MEI4: variants seen among roughly 807,000 people sequenced by gnomAD.
The protein encoded by MEI4 is meiosis-specific protein MEI4.
A neutral mutation model predicts 31.4 loss-of-function variants in MEI4; 27 were observed. The observed-to-expected ratio is 0.86, with a 90% CI of 0.63 to 1.19. The LOEUF (loss-of-function observed/expected upper bound fraction) is 1.19, where lower values mean the gene tolerates loss of function less well. MEI4 is among the 50% of genes most tolerant of loss of function. The pLI is 0.00. For missense variants in MEI4, 329 were observed against 398.9 expected (o/e 0.82, Z 1.49); for synonymous variants, 122 against 145.4 (o/e 0.84, Z 1.16).
At chr6:77,744,028 G>A (rs537229436) in intron 2 of MEI4, among the ~76,000 whole-genome samples, 1 of 152,270 alleles carries the variant, frequency 6.6e-6, no homozygotes, top group South Asian at 2.1e-4. Flanking sequence ...AAAAAACAGA[G>A]CAGAAAAACT....
intron 4 of MEI4, among the ~76,000 whole-genome samples, chr6:77,870,734 G>A (rs1393093960): frequency 6.6e-6 from 1 of 152,116 alleles, no homozygotes; most frequent in African/African-American, 2.4e-5. Flanking sequence ...TTTTCATCAG[G>A]TAGTTCCATT....
At chr6:77,912,292 T>C (rs1243554595) in intron 4 of MEI4, among the ~76,000 whole-genome samples, 1 of 152,136 alleles carries the variant, frequency 6.6e-6, no homozygotes, top group African/African-American at 2.4e-5. Context: ...TTCCTCGGGA[T>C]TGCTTTGGAT....
intron 1 of MEI4, among the ~76,000 whole-genome samples, chr6:77,675,517 A>G (rs1365999149): frequency 6.6e-6 from 1 of 150,558 alleles, no homozygotes; most frequent in Non-Finnish European, 1.5e-5. Flanking sequence ...GGTTAAGATG[A>G]AACAGGAAAT....
chr6:77,872,403 C>G (rs1771216024), intron 4 of MEI4, among the ~76,000 whole-genome samples: 2 of 151,898 alleles, frequency 1.3e-5, no homozygotes, highest in African/African-American at 4.8e-5. Context: ...CATGATCATG[C>G]CTGTGTATAG....
At chr6:77,753,518 C>T (rs1056580121) in intron 2 of MEI4, among the ~76,000 whole-genome samples, 1 of 152,180 alleles carries the variant, frequency 6.6e-6, no homozygotes, top group Non-Finnish European at 1.5e-5. Flanking sequence ...CATCGCTGAT[C>T]ATTAGAGAAA....
intron 2 of MEI4, among the ~76,000 whole-genome samples, chr6:77,747,590 G>A (rs372166514): frequency 9.9e-5 from 15 of 152,108 alleles, no homozygotes; most frequent in Admixed American, 6.6e-5. Flanking sequence ...GTCATCTTCT[G>A]CCAGGTCCCT....
At chr6:77,919,925 T>C (rs1562039859) in intron 4 of MEI4, among the ~76,000 whole-genome samples, 6 of 148,690 alleles carry the variant, frequency 4.0e-5, no homozygotes, top group Non-Finnish European at 8.9e-5. Flanking sequence ...CCTCGACACA[T>C]ACACTCTCCC....
In MEI4 at chr6:77,921,106, ATCT is replaced by A. The variant is rs760021035; in HGVS notation, c.901-1978_901-1976del. ...TGTAGCTACAAAATTCCTAGACGGC[ATCT>A]TCTTTCAGTAGAAGGCTGTTTCATC... On this transcript the variant is annotated intron_variant, in intron 4 of 4. Coordinates refer to ENST00000684080, the MANE Select transcript of MEI4 (RefSeq NM_001322247.2). Among the ~76,000 whole-genome samples the A allele has an allele frequency of 3.9e-5, 6 of 151,902 alleles. 1 individual carries two copies. The highest frequency in any genetic ancestry group is 7.4e-5 in the Non-Finnish European group (5 of 67,906).
intron 4 of MEI4, among the ~76,000 whole-genome samples, chr6:77,901,497 C>T (rs527635705): frequency 9.3e-4 from 141 of 152,086 alleles, no homozygotes; most frequent in African/African-American, 3.2e-3. Flanking sequence ...TACCTATTGG[C>T]TGTTTGTATG....
At chr6:77,841,333 A>ATATATATATATTTATT in intron 4 of MEI4, among the ~76,000 whole-genome samples, 1 of 27,748 alleles carries the variant, frequency 3.6e-5, no homozygotes, top group Non-Finnish European at 5.2e-5. Flanking sequence ...ATATATATAT[A>ATATATATATATTTATT]TTTTTTTTTT....
rs112834291 is a variant in MEI4, at chr6:77,816,434, C to G, written c.769-12497C>G. Among the ~76,000 whole-genome samples, 790 of 152,160 alleles carry G rather than the reference C, an allele frequency of 5.2e-3. 7 individuals carry two copies. The highest frequency in any genetic ancestry group is 0.019 in the African/African-American group (771 of 41,532). On this transcript the variant is annotated intron_variant, in intron 3 of 4. Coordinates refer to ENST00000684080, the MANE Select transcript of MEI4 (RefSeq NM_001322247.2). ...ATTAGTAGGAGGACTGGGATTTAGT[C>G]ATGTTGAAACTTTACTTTTATTTTT...
At chr6:77,894,032 T>C (rs1311970523) in intron 4 of MEI4, among the ~76,000 whole-genome samples, 4 of 152,150 alleles carry the variant, frequency 2.6e-5, no homozygotes, top group Non-Finnish European at 4.4e-5. Context: ...TTACTGTTTA[T>C]TAAGTGGAAA....
At chr6:77,916,100 A>AT (rs1554181243) in intron 4 of MEI4, among the ~76,000 whole-genome samples, 2 of 152,020 alleles carry the variant, frequency 1.3e-5, no homozygotes, top group Non-Finnish European at 2.9e-5. Context: ...CGGTTCTAAA[A>AT]TTTAAGTTCT....
rs546678851 is a variant in MEI4 at position 77,778,408 on chromosome 6, G to C, written c.768+16743G>C. 1.3e-4 allele frequency among the ~76,000 whole-genome samples: 20 copies of C among 152,026 alleles called. No individual in the cohort carries two copies. The East Asian group carries it at 3.9e-3, about 30-fold the overall frequency. ...ATATGTCTGAACAACTTTAGTACAA[G>C]TAAAAATCCAGGCTAGGTGTGGTGG... On this transcript the variant is annotated intron_variant, in intron 3 of 4. Transcript: ENST00000684080.
At chr6:77,732,747 T>C (rs947885381) in intron 2 of MEI4, among the ~76,000 whole-genome samples, 2 of 152,074 alleles carry the variant, frequency 1.3e-5, no homozygotes, top group Non-Finnish European at 2.9e-5. Flanking sequence ...CCATTCAGTA[T>C]GATATTGGCT....
chr6:77,745,733 C>T (rs905327435), intron 2 of MEI4, among the ~76,000 whole-genome samples: 1 of 152,138 alleles, frequency 6.6e-6, no homozygotes, highest in Non-Finnish European at 1.5e-5. Context: ...AAGCACTCCT[C>T]AGCAAATGTA....
At chr6:77,789,772 T>C (rs554687026) in intron 3 of MEI4, among the ~76,000 whole-genome samples, 26 of 152,266 alleles carry the variant, frequency 1.7e-4, no homozygotes, top group African/African-American at 6.3e-4. Context: ...CTGGAGAGGA[T>C]GTGGAGAAAT....
intron 3 of MEI4, among the ~76,000 whole-genome samples, chr6:77,801,624 T>C (rs1456105089): frequency 6.6e-6 from 1 of 152,200 alleles, no homozygotes; most frequent in Non-Finnish European, 1.5e-5. Flanking sequence ...TGTGGGCATT[T>C]AGTGCTATAA....
intron 3 of MEI4, among the ~76,000 whole-genome samples, chr6:77,818,507 A>G (rs1769741545): frequency 6.6e-6 from 1 of 152,114 alleles, no homozygotes; most frequent in Non-Finnish European, 1.5e-5. Context: ...AAACTTTAAA[A>G]GTTTCTTTTC....
Sources: gnomAD v4.1 joint callset for allele counts (sites outside exome capture counted in the v4.1 genomes callset) on GRCh38, gnomAD v4.1.1 for gene constraint, MANE v1.5 for transcripts, NCBI Gene and HGNC (gene_info 2026-07-23, HGNC 2026-07-21) for gene names.